CPM: variants seen among roughly 807,000 people sequenced by gnomAD.
CPM encodes carboxypeptidase M, also known as renal carboxypeptidase.
In CPM, 35 loss-of-function variants were observed where a neutral mutation model predicts 46.4. That is an observed-to-expected ratio of 0.75 (90% CI 0.58 to 1.00). CPM has a LOEUF of 1.00. CPM is among the 50% of genes least tolerant of loss of function. The pLI, the probability that CPM is intolerant of heterozygous loss-of-function variation, is 0.00. For synonymous variants in CPM, 195 were observed against 195.3 expected (o/e 1.00, Z 0.01); for missense variants, 422 against 530.4 (o/e 0.80, Z 2.01).
intron 2 of CPM, among the ~76,000 whole-genome samples, chr12:68,895,874 G>A (rs1592671427): frequency 6.6e-6 from 1 of 152,234 alleles, no homozygotes; most frequent in East Asian, 1.9e-4. Context: ...ACAAAATGAA[G>A]TCCAAATGAA....
chr12:68,882,036 T>G (rs962086187), intron 3 of CPM, among the ~76,000 whole-genome samples: 3 of 151,272 alleles, frequency 2.0e-5, no homozygotes, highest in African/African-American at 7.3e-5. Flanking sequence ...TTTTTTTTTT[T>G]TTTTTTTTTT....
intron 2 of CPM, among the ~76,000 whole-genome samples, chr12:68,918,718 C>T (rs760480019): frequency 2.0e-5 from 3 of 152,308 alleles, no homozygotes; most frequent in Admixed American, 6.5e-5. Flanking sequence ...CTTTCACTTG[C>T]CTCCATTCCT....
Position 68,887,954 on chromosome 12 carries a change from T to G in CPM, c.161-2065A>C, listed in dbSNP as rs76836530. On this transcript the variant is annotated intron_variant, in intron 2 of 8. Transcript: ENST00000551568. Reference sequence around the variant, plus strand: ...CATCAGAAGCATTTGATTAACCAATTTCATTAACCTTCCATTCCCCAACCC... The same window carrying G: ...CATCAGAAGCATTTGATTAACCAATGTCATTAACCTTCCATTCCCCAACCC... 1.1e-3 allele frequency among the ~76,000 whole-genome samples: 173 copies of G among 152,244 alleles called. 1 individual carries two copies. The highest frequency in any genetic ancestry group is 4.1e-3 in the African/African-American group (170 of 41,538).
At chr12:68,876,368 C>A (rs1885951202) in intron 3 of CPM, among the ~76,000 whole-genome samples, 1 of 152,332 alleles carries the variant, frequency 6.6e-6, no homozygotes, top group Non-Finnish European at 1.5e-5. Flanking sequence ...GCCTCTGTAA[C>A]AGCAGATTTA....
chr12:68,956,711 C>T (rs1889024618), intron 1 of CPM, among the ~76,000 whole-genome samples: 2 of 152,218 alleles, frequency 1.3e-5, no homozygotes, highest in South Asian at 4.1e-4. Flanking sequence ...AGGTTAGAAC[C>T]TTCCTTCCCA....
intron 1 of CPM, among the ~76,000 whole-genome samples, chr12:68,943,890 A>G (rs1455484438): frequency 6.6e-6 from 1 of 151,740 alleles, no homozygotes; most frequent in Admixed American, 6.6e-5. Flanking sequence ...TAAAAACTGT[A>G]TATTTGAGAA....
Position 68,858,938 on chromosome 12 carries a change from C to A in CPM, c.1074G>T (p.Gly358=), listed in dbSNP as rs1189554446. ...YGEYYLLLLP[G]SYIINVTVPG... ...GCATACTTACATTTATTATATAAGACCCAGGCAAGAGAAGGAGATAATACT... is the reference window on the plus strand; with the variant it reads ...GCATACTTACATTTATTATATAAGAACCAGGCAAGAGAAGGAGATAATACT... Residue 358 remains glycine (G), a synonymous_variant, in exon 8 of 9, where the codon GGG becomes GGT. Transcript: ENST00000551568. 3 of 1,497,612 alleles carry A rather than the reference C, an allele frequency of 2.0e-6. No individual in the cohort carries two copies. The highest frequency in any genetic ancestry group is 2.7e-6 in the Non-Finnish European group (3 of 1,121,838). 92.8% of individuals were successfully genotyped at this position (1,497,612 alleles called of 1,614,324 possible).
At chr12:68,879,779 A>C (rs894535741) in intron 3 of CPM, among the ~76,000 whole-genome samples, 4 of 152,150 alleles carry the variant, frequency 2.6e-5, no homozygotes, top group Non-Finnish European at 5.9e-5. Flanking sequence ...TTTTTTCTGC[A>C]AAATTTGAAA....
At chr12:68,848,008 G>T (rs918013451), downstream of CPM, 1 of 152,194 alleles carries the variant, frequency 6.6e-6, no homozygotes, top group African/African-American at 2.4e-5. Flanking sequence ...CCAAAAAATT[G>T]TGGTGGCATG....
chr12:68,882,122 G>A (rs1886223344), intron 3 of CPM, among the ~76,000 whole-genome samples: 1 of 149,506 alleles, frequency 6.7e-6, no homozygotes, highest in Non-Finnish European at 1.5e-5. Flanking sequence ...AGGGGTACAA[G>A]TGCAGATTGG....
chr12:68,868,367 A>G (rs1294809408), intron 6 of CPM, among the ~76,000 whole-genome samples: 1 of 152,162 alleles, frequency 6.6e-6, no homozygotes, highest in Non-Finnish European at 1.5e-5. Flanking sequence ...CCAGCTTGTG[A>G]AAGATTACCT....
At chr12:68,914,839 G>T (rs949444703) in intron 2 of CPM, among the ~76,000 whole-genome samples, 1 of 152,092 alleles carries the variant, frequency 6.6e-6, no homozygotes, top group Non-Finnish European at 1.5e-5. Flanking sequence ...ACCTGGGTTT[G>T]AATTCCCAGC....
intron 1 of CPM, among the ~76,000 whole-genome samples, chr12:68,945,575 C>A (rs1282028117): frequency 6.6e-6 from 1 of 152,174 alleles, no homozygotes; most frequent in African/African-American, 2.4e-5. Context: ...TGTATGTATT[C>A]CCAGGTGCCT....
downstream of CPM, chr12:68,847,111 G>A (rs1014814994): frequency 7.1e-6 from 1 of 141,722 alleles, no homozygotes; most frequent in Non-Finnish European, 1.5e-5. Context: ...ACCATGCCTG[G>A]CTAATATATA....
chr12:68,878,968 G>A (rs963562261), intron 3 of CPM, among the ~76,000 whole-genome samples: 22 of 152,254 alleles, frequency 1.4e-4, no homozygotes, highest in East Asian at 7.7e-4. Context: ...CCAGAGGATC[G>A]CTTGAGGCCA....
chr12:68,912,195 C>T (rs986386187), intron 2 of CPM, among the ~76,000 whole-genome samples: 10 of 152,022 alleles, frequency 6.6e-5, no homozygotes, highest in African/African-American at 1.7e-4. Context: ...TTAGTAGAGA[C>T]GGGGCTTCAC....
At position 68,866,836 on chromosome 12, in the gene CPM, A is replaced by G. The variant is rs201857763; in HGVS notation, c.940+60T>C. 721 of 1,436,896 alleles carry G rather than the reference A, an allele frequency of 5.0e-4. 1 individual carries two copies. Among genetic ancestry groups the G allele is most frequent in the Non-Finnish European group, 6.2e-4 (642 of 1,032,852 alleles). 89.0% of individuals were successfully genotyped at this position (1,436,896 alleles called of 1,614,324 possible). On this transcript the variant is annotated intron_variant, in intron 7 of 8. Transcript: ENST00000551568. ...AAAGGCTTGCGTTTAGTCAACCCAGAGGTCTTGCCAGATGCTCTATTTTGT... is the reference window on the plus strand; with the variant it reads ...AAAGGCTTGCGTTTAGTCAACCCAGGGGTCTTGCCAGATGCTCTATTTTGT...
chr12:68,916,700 A>T (rs1887818698), intron 2 of CPM, among the ~76,000 whole-genome samples: 1 of 151,942 alleles, frequency 6.6e-6, no homozygotes, highest in Non-Finnish European at 1.5e-5. Context: ...ACCAACCTGG[A>T]CAACATGGTG....
chr12:68,933,544 C>T (rs886106679), upstream of CPM, among the ~76,000 whole-genome samples: 1 of 152,106 alleles, frequency 6.6e-6, no homozygotes, highest in Non-Finnish European at 1.5e-5. Context: ...GCTTGGGAGA[C>T]GTTTAGGGCT....
Sources: allele counts gnomAD v4.1 joint callset (sites outside exome capture counted in the v4.1 genomes callset), GRCh38; gene constraint gnomAD v4.1.1; transcripts MANE v1.5; gene names NCBI Gene and HGNC (gene_info 2026-07-23, HGNC 2026-07-21).